MAF: variants seen among roughly 807,000 people sequenced by gnomAD.
MAF encodes the protein transcription factor Maf.
MAF carries 10 observed loss-of-function variants against 22.0 expected under a neutral mutation model. That is an observed-to-expected ratio of 0.45 (90% CI 0.28 to 0.77). The LOEUF is 0.77. MAF is among the 30% of genes least tolerant of loss of function. The pLI is 0.12. For missense variants in MAF, 544 were observed against 548.4 expected (o/e 0.99, Z 0.08); for synonymous variants, 337 against 255.8 (o/e 1.32, Z -3.03).
the MAF span, among the ~76,000 whole-genome samples, chr16:79,207,089 C>T: frequency 6.6e-6 from 1 of 152,158 alleles, no homozygotes; most frequent in African/African-American, 2.4e-5. Flanking sequence ...TACTGGGAGA[C>T]AGGGAAAGAC....
the MAF span, among the ~76,000 whole-genome samples, chr16:79,502,708 A>AATATATAAATAT: frequency 2.9e-5 from 1 of 34,008 alleles, no homozygotes; most frequent in African/African-American, 9.0e-5. Context: ...TATAAATATA[A>AATATATAAATAT]ATATATATAT....
the MAF span, among the ~76,000 whole-genome samples, chr16:79,240,864 T>A: frequency 4.1e-4 from 62 of 152,158 alleles, 1 homozygote; most frequent in East Asian, 1.9e-3. Context: ...CAGCCATCTT[T>A]GCTGTTCTGC....
chr16:79,217,347 G>C, the MAF span, among the ~76,000 whole-genome samples: 1 of 152,164 alleles, frequency 6.6e-6, no homozygotes, highest in Admixed American at 6.5e-5. Flanking sequence ...TAGACTAGAA[G>C]CATATATACA....
the MAF span, among the ~76,000 whole-genome samples, chr16:79,572,547 T>C: frequency 6.6e-6 from 1 of 152,216 alleles, no homozygotes; most frequent in Non-Finnish European, 1.5e-5. Context: ...AGGGGCTACC[T>C]GGACGGTTTC....
the MAF span, among the ~76,000 whole-genome samples, chr16:79,473,191 G>A: frequency 5.3e-5 from 8 of 152,254 alleles, no homozygotes; most frequent in East Asian, 1.4e-3. Flanking sequence ...AACAGCCACA[G>A]GCAGTCATAT....
the MAF span, among the ~76,000 whole-genome samples, chr16:79,353,349 G>A: frequency 6.6e-6 from 1 of 152,112 alleles, no homozygotes; most frequent in African/African-American, 2.4e-5. Flanking sequence ...GGCTAGTCTT[G>A]AACTGCGAAG....
the MAF span, among the ~76,000 whole-genome samples, chr16:79,434,961 TGATGA>T: frequency 6.6e-6 from 1 of 152,046 alleles, no homozygotes; most frequent in African/African-American, 2.4e-5. Context: ...CTGCGACTGG[TGATGA>T]GATCACTTGG....
At chr16:79,518,500 G>A in the MAF span, among the ~76,000 whole-genome samples, 1 of 152,196 alleles carries the variant, frequency 6.6e-6, no homozygotes, top group African/African-American at 2.4e-5. Flanking sequence ...GAGGAGTAGG[G>A]AAACACAGGC....
the MAF span, among the ~76,000 whole-genome samples, chr16:79,407,015 C>T: frequency 8.5e-3 from 1,295 of 152,270 alleles, 11 homozygotes; most frequent in Non-Finnish European, 0.014. Context: ...CACACCCAGC[C>T]GGGAAAGAAG....
chr16:79,320,447 C>T, the MAF span, among the ~76,000 whole-genome samples: 1 of 152,178 alleles, frequency 6.6e-6, no homozygotes, highest in East Asian at 1.9e-4. Flanking sequence ...CGTTGGTCAG[C>T]CCATGAGTTC....
the MAF span, among the ~76,000 whole-genome samples, chr16:79,291,618 T>C: frequency 1.3e-5 from 2 of 151,652 alleles, no homozygotes; most frequent in South Asian, 4.2e-4. Context: ...TACTCTGACC[T>C]ATGCAGGGAG....
the MAF span, among the ~76,000 whole-genome samples, chr16:79,537,995 C>G: frequency 4.6e-5 from 7 of 152,238 alleles, no homozygotes; most frequent in African/African-American, 1.7e-4. Flanking sequence ...AATTAATGAT[C>G]TAAAAAGTCA....
At chr16:79,565,991 C>A in the MAF span, among the ~76,000 whole-genome samples, 1 of 152,176 alleles carries the variant, frequency 6.6e-6, no homozygotes, top group Non-Finnish European at 1.5e-5. Flanking sequence ...AGGCCATGCA[C>A]AATTCACCCT....
the MAF span, among the ~76,000 whole-genome samples, chr16:79,228,918 G>GC: frequency 1.3e-5 from 2 of 151,876 alleles, no homozygotes; most frequent in Non-Finnish European, 1.5e-5. Flanking sequence ...AGCAACATCA[G>GC]CCTGCACCAG....
chr16:79,328,743 C>T, the MAF span, among the ~76,000 whole-genome samples: 67 of 152,296 alleles, frequency 4.4e-4, no homozygotes, highest in South Asian at 0.014. Flanking sequence ...AAGTAACATT[C>T]TCCAACCAGC....
the MAF span, among the ~76,000 whole-genome samples, chr16:79,504,042 A>C: frequency 6.6e-6 from 1 of 152,194 alleles, no homozygotes; most frequent in East Asian, 1.9e-4. Flanking sequence ...GTTTTCAAGA[A>C]AGGATAAGTT....
chr16:79,395,593 T>C, the MAF span, among the ~76,000 whole-genome samples: 2 of 152,060 alleles, frequency 1.3e-5, no homozygotes, highest in Non-Finnish European at 2.9e-5. Context: ...GCATCGCATC[T>C]GCAAGTCAAG....
the MAF span, among the ~76,000 whole-genome samples, chr16:79,254,759 T>C: frequency 6.6e-6 from 1 of 152,136 alleles, no homozygotes; most frequent in Admixed American, 6.5e-5. Flanking sequence ...TGCCCTTCCC[T>C]TTGCTTTAGT....
the MAF span, among the ~76,000 whole-genome samples, chr16:79,456,540 T>C: frequency 3.9e-5 from 6 of 152,260 alleles, no homozygotes; most frequent in East Asian, 1.2e-3. Context: ...TGAGCATAGA[T>C]TACTCCAGAA....
Sources: gnomAD v4.1 joint callset for allele counts (sites outside exome capture counted in the v4.1 genomes callset) on GRCh38, gnomAD v4.1.1 for gene constraint, MANE v1.5 for transcripts, NCBI Gene and HGNC (gene_info 2026-07-23, HGNC 2026-07-21) for gene names.